MAPK8IP1: variants seen among roughly 807,000 people sequenced by gnomAD.
MAPK8IP1 encodes C-Jun-amino-terminal kinase-interacting protein 1.
MAPK8IP1 carries 17 observed loss-of-function variants against 72.6 expected under a neutral mutation model. The observed-to-expected ratio is 0.23, with a 90% CI of 0.16 to 0.35. MAPK8IP1 has a LOEUF of 0.35. MAPK8IP1 is among the 10% of genes least tolerant of loss of function. MAPK8IP1 has a pLI of 1.00. For missense variants in MAPK8IP1, 789 were observed against 1,009.7 expected (o/e 0.78, Z 2.96); for synonymous variants, 401 against 443.4 (o/e 0.90, Z 1.20).
In MAPK8IP1 at chr11:45,904,654, T is replaced by TG; in HGVS notation, c.1777-61dup. 5 of 1,601,752 alleles carry TG rather than the reference T, an allele frequency of 3.1e-6. No homozygotes were observed. In the South Asian group the frequency reaches 5.5e-5, roughly 18 times the overall value. On this transcript the variant is annotated intron_variant, in intron 8 of 11. Transcript: ENST00000241014. This position sits in a 1 kb window ranked among gnomAD's most constrained non-coding sequence, Gnocchi z 6.4. ...TAGAGGCAGTAAAGGGCTCAGGCCC[T>TG]GGGACAGGAGGGATCAGCAGAGGAA...
Position 45,900,481 on chromosome 11 carries a change from C to A in MAPK8IP1, c.522+29C>A. 1 of 1,530,010 alleles carries A rather than the reference C, an allele frequency of 6.5e-7. No individual in the cohort carries two copies. The highest frequency in any genetic ancestry group is 1.2e-5 in the South Asian group (1 of 83,554). The allele number at this position is 1,530,010 out of a possible 1,614,324, so 94.8% of individuals were successfully genotyped here. A position where few individuals can be genotyped will look rare whatever the true frequency, so the allele number is the denominator to read the frequency against. On this transcript the variant is annotated intron_variant, in intron 3 of 11. Coordinates refer to ENST00000241014, the MANE Select transcript of MAPK8IP1 (RefSeq NM_005456.4). This position sits in a 1 kb window ranked among gnomAD's most constrained non-coding sequence, Gnocchi z 6.5. ...AGGCGCCAACGTGGGGGGCGGCGCC[C>A]TGGGCCGCCGCGGAGATGTGAGGGG...
chr11:45,902,681 G>T lies in MAPK8IP1; in HGVS notation c.914G>T (p.Ser305Ile). The T allele has an allele frequency of 1.2e-6, 2 of 1,611,526 alleles. No individual in the cohort carries two copies. ...PTSAFLPPTE[S>I]RMSVSSDPDP... The stretch of plus-strand genomic sequence containing the variant: ...TCCGCCTTCCTGCCGCCCACTGAGA[G>T]CCGGATGTCAGTCAGCTCCGATCCA... Residue 305 changes from serine to isoleucine, a missense_variant, in exon 5 of 12, where the codon AGC becomes ATC. Around this residue, in one of 4 missense-constraint regions of MAPK8IP1, gnomAD observed 377 missense variants for 411.7 expected, o/e 0.92. Transcript: ENST00000241014. The surrounding 1 kb of genome is among the most constrained non-coding windows in gnomAD (Gnocchi z 9.3).
chr11:45,903,848 G>A lies in MAPK8IP1; in HGVS notation c.1494-141G>A. 1.2e-6 allele frequency: 1 copy of A among 804,164 alleles called. No homozygotes were observed. The highest frequency in any genetic ancestry group is 2.1e-6 in the Non-Finnish European group (1 of 465,808). 49.8% of individuals were successfully genotyped at this position (804,164 alleles called of 1,614,324 possible). A position where few individuals can be genotyped will look rare whatever the true frequency, so the allele number is the denominator to read the frequency against. On this transcript the variant is annotated intron_variant, in intron 6 of 11. Coordinates refer to ENST00000241014, the MANE Select transcript of MAPK8IP1 (RefSeq NM_005456.4). The surrounding 1 kb of genome is among the most constrained non-coding windows in gnomAD (Gnocchi z 6.4). ...CTGCTTGACCTTGCTCTCCCCTGGG[G>A]TTAGTACTGCAACAGGCACACAGGA...
rs532855983 is a variant in MAPK8IP1 at position 45,886,981 on chromosome 11, C to T, written c.101+1060C>T. Reference sequence around the variant, plus strand: ...GGATCTCTAATAGCATCATCAAACTCAGAAACCTTCCCTGAGGCCCTGAGC... The same window carrying T: ...GGATCTCTAATAGCATCATCAAACTTAGAAACCTTCCCTGAGGCCCTGAGC... On this transcript the variant is annotated intron_variant, in intron 1 of 11. Transcript: ENST00000241014. Among the ~76,000 whole-genome samples the T allele has an allele frequency of 2.6e-5, 4 of 152,258 alleles. No homozygotes were observed. The East Asian group carries it at 7.7e-4, about 29-fold the overall frequency.
chr11:45,899,432 T>TTG (rs2086632670), intron 2 of MAPK8IP1, among the ~76,000 whole-genome samples: 1 of 152,164 alleles, frequency 6.6e-6, no homozygotes, highest in Non-Finnish European at 1.5e-5. Context: ...TGGGAGGCAG[T>TTG]AGTGTTATCC....
chr11:45,896,721 C>T, intron 1 of MAPK8IP1: 1 of 1,441,584 alleles, frequency 6.9e-7, no homozygotes, highest in South Asian at 1.5e-5. Flanking sequence ...TTTTAATGAG[C>T]TCCCCAGGCT....
chr11:45,885,916 T>C lies in MAPK8IP1; in HGVS notation c.96T>C (p.Asn32=). ...FLGLHIASPP[N]FRLTHDISLE... The stretch of plus-strand genomic sequence containing the variant: ...GGCTGCACATCGCTTCGCCTCCCAA[T>C]TTCAGGTGAGAGTCCCCGGCCGCCG... The change falls in exon 1 of 12, where the codon AAT becomes AAC. Residue 32 remains asparagine (N), a synonymous_variant. Coordinates refer to ENST00000241014, the MANE Select transcript of MAPK8IP1 (RefSeq NM_005456.4). 1 of 1,475,982 alleles carries C rather than the reference T, an allele frequency of 6.8e-7. No homozygotes were observed. The highest frequency in any genetic ancestry group is 1.3e-5 in the South Asian group (1 of 76,498). The allele number at this position is 1,475,982 out of a possible 1,614,324, so 91.4% of individuals were successfully genotyped here.
In MAPK8IP1 at chr11:45,891,097, C is replaced by T. The variant is rs117493014; in HGVS notation, c.101+5176C>T. 3.9e-3 allele frequency among the ~76,000 whole-genome samples: 597 copies of T among 152,262 alleles called. 3 individuals are homozygous for T. Among genetic ancestry groups the T allele is most frequent in the Middle Eastern group, 6.8e-3 (2 of 294 alleles). Reference sequence around the variant, plus strand: ...AGAGTGTTGACTTGCCTCACACAGTCCGGCAGTGGCCAGGGCAGAATTTCA... The same window carrying T: ...AGAGTGTTGACTTGCCTCACACAGTTCGGCAGTGGCCAGGGCAGAATTTCA... On this transcript the variant is annotated intron_variant, in intron 1 of 11. Coordinates refer to ENST00000241014, the MANE Select transcript of MAPK8IP1 (RefSeq NM_005456.4).
rs2086522684 is a variant in MAPK8IP1 at position 45,885,857 on chromosome 11, G to A, written c.37G>A (p.Ala13Thr). 5 of 1,452,756 alleles carry A rather than the reference G, an allele frequency of 3.4e-6. No homozygotes were observed. The highest frequency in any genetic ancestry group is 3.0e-5 in the East Asian group (1 of 33,184). The allele number at this position is 1,452,756 out of a possible 1,614,324, so 90.0% of individuals were successfully genotyped here. A position where few individuals can be genotyped will look rare whatever the true frequency, so the allele number is the denominator to read the frequency against. ...AGAAAGCGGCGGCCTGGGAGGGGGG[G>A]CCGCGTCCCCGCCCGCCGCCTCCCC... ...ERESGGLGGG[A>T]ASPPAASPFL... Residue 13 changes from alanine (A) to threonine (T), a missense_variant, in exon 1 of 12, where the codon GCC (alanine) becomes ACC (threonine). Coordinates refer to ENST00000241014, the MANE Select transcript of MAPK8IP1 (RefSeq NM_005456.4).
intron 2 of MAPK8IP1, 34 bp downstream of exon 2, chr11:45,898,224 G>T (rs2086622652): frequency 2.0e-6 from 3 of 1,486,520 alleles, no homozygotes; most frequent in South Asian, 2.3e-5. Context: ...CCTGAGTGGG[G>T]TGGCAGGAAG....
chr11:45,894,438 A>T lies in MAPK8IP1; in HGVS notation c.102-3647A>T, dbSNP rs548625644. ...ATCAGGCATAGGCTCTCTGACCCCC[A>T]GCCCAGTATTCTTTCTAGCATTGCC... On this transcript the variant is annotated intron_variant, in intron 1 of 11. Coordinates refer to ENST00000241014, the MANE Select transcript of MAPK8IP1 (RefSeq NM_005456.4). Among the ~76,000 whole-genome samples, 8 of 151,244 alleles carry T rather than the reference A, an allele frequency of 5.3e-5. No homozygotes were observed. The South Asian group carries it at 1.7e-3, about 32-fold the overall frequency.
In MAPK8IP1 at chr11:45,902,834, TG is replaced by T; in HGVS notation, c.1072del (p.Glu358SerfsTer10). 6.3e-7 allele frequency: 1 copy of T among 1,580,698 alleles called. No individual in the cohort carries two copies. ...EPPGGGWRGS[L>X]GEPPPPPRAS... ...CCAGGCGGAGGGTGGCGGGGGAGCC[TG>T]GGGGAGCCGCCGCCACCTCCACGGG... On this transcript the variant is annotated frameshift_variant, in exon 5 of 12. Transcript: ENST00000241014. LOFTEE classifies it high-confidence loss of function. The surrounding 1 kb of genome is among the most constrained non-coding windows in gnomAD (Gnocchi z 9.3).
intron 1 of MAPK8IP1, among the ~76,000 whole-genome samples, chr11:45,889,828 G>GCCA (rs2086553029): frequency 6.7e-6 from 1 of 150,202 alleles, no homozygotes; most frequent in African/African-American, 2.5e-5. Flanking sequence ...GAGAGATGGG[G>GCCA]CCACCGAGAG....
At position 45,904,216 on chromosome 11, in the gene MAPK8IP1, T is replaced by C. The variant is rs2134678075; in HGVS notation, c.1666+55T>C. 6.4e-7 allele frequency: 1 copy of C among 1,573,750 alleles called. No homozygotes were observed. Among genetic ancestry groups the C allele is most frequent in the Non-Finnish European group, 8.7e-7 (1 of 1,152,604 alleles). On this transcript the variant is annotated intron_variant, in intron 7 of 11. Transcript: ENST00000241014. The surrounding 1 kb of genome is among the most constrained non-coding windows in gnomAD (Gnocchi z 6.4). ...AGCCACCACATCTGTCTGCCCCAAC[T>C]TGCTGCTAGGTGAACGTGTACTCCA...
chr11:45,897,040 C>A, intron 1 of MAPK8IP1: 1 of 1,415,200 alleles, frequency 7.1e-7, no homozygotes, highest in Non-Finnish European at 9.7e-7. Context: ...AGGCGAGTGG[C>A]AGGGAGTCTG....
At chr11:45,897,775 G>A (rs1427297863) in intron 1 of MAPK8IP1, among the ~76,000 whole-genome samples, 3 of 152,184 alleles carry the variant, frequency 2.0e-5, no homozygotes, top group Non-Finnish European at 4.4e-5. Flanking sequence ...CTGGGAGGAG[G>A]CTCTGACCAG....
chr11:45,901,448 G>A (rs376376760), intron 3 of MAPK8IP1, among the ~76,000 whole-genome samples: 20 of 152,196 alleles, frequency 1.3e-4, no homozygotes, highest in South Asian at 8.3e-4. Context: ...ATTCATCCTG[G>A]TCCCCCAGGC....
chr11:45,900,503 G>A lies in MAPK8IP1; in HGVS notation c.522+51G>A, dbSNP rs924407027. 13 of 1,521,880 alleles carry A rather than the reference G, an allele frequency of 8.5e-6. No individual in the cohort carries two copies. Among genetic ancestry groups the A allele is most frequent in the Non-Finnish European group, 1.1e-5 (13 of 1,139,956 alleles). The allele number at this position is 1,521,880 out of a possible 1,614,324, so 94.3% of individuals were successfully genotyped here. The stretch of plus-strand genomic sequence containing the variant: ...GCCCTGGGCCGCCGCGGAGATGTGA[G>A]GGGGAGCGCAGAGGGGCTGCAGCGG... On this transcript the variant is annotated intron_variant, in intron 3 of 11. Transcript: ENST00000241014. The surrounding 1 kb of genome is among the most constrained non-coding windows in gnomAD (Gnocchi z 6.5).
chr11:45,898,331 G>C (rs557725581), intron 2 of MAPK8IP1, 141 bp downstream of exon 2: 22 of 642,002 alleles, frequency 3.4e-5, no homozygotes, highest in Non-Finnish European at 5.7e-5. Context: ...AAGAAACATA[G>C]GTATACTGCT....
Sources: gnomAD v4.1 joint callset for allele counts (sites outside exome capture counted in the v4.1 genomes callset) on GRCh38, gnomAD v4.1.1 for gene constraint, gnomAD v4.1.1 regional missense constraint, Gnocchi (gnomAD v3.1) non-coding constraint, MANE v1.5 for transcripts, NCBI Gene and HGNC (gene_info 2026-07-23, HGNC 2026-07-21) for gene names.